NAALADL2: variants seen among roughly 807,000 people sequenced by gnomAD.
NAALADL2 encodes the protein N-acetylated alpha-linked acidic dipeptidase like 2, also known as inactive N-acetylated-alpha-linked acidic dipeptidase-like protein 2.
Under a neutral mutation model 87.2 loss-of-function variants are expected in NAALADL2, and 76 were observed. The observed-to-expected ratio is 0.87, with a 90% CI of 0.72 to 1.05. The LOEUF (loss-of-function observed/expected upper bound fraction) is 1.05. NAALADL2 is among the 50% of genes least tolerant of loss of function. The pLI, the probability that NAALADL2 is intolerant of heterozygous loss-of-function variation, is 0.00. For synonymous variants in NAALADL2, 354 were observed against 331.0 expected (o/e 1.07, Z -0.75); for missense variants, 1,089 against 945.8 (o/e 1.15, Z -1.99).
intron 3 of NAALADL2, among the ~76,000 whole-genome samples, chr3:174,851,839 G>A (rs954959221): frequency 6.6e-6 from 1 of 151,960 alleles, no homozygotes; most frequent in Non-Finnish European, 1.5e-5. Flanking sequence ...TGAAATATTA[G>A]CAAACTGAAT....
intron 2 of NAALADL2, among the ~76,000 whole-genome samples, chr3:175,109,878 AGGAGCATAT>A (rs746212040): frequency 4.6e-4 from 70 of 151,980 alleles, no homozygotes; most frequent in Non-Finnish European, 8.2e-4. Context: ...AGGGCAGGGG[AGGAGCATAT>A]GGTGCTACGT....
At chr3:174,987,607 A>C (rs1028527966) in intron 1 of NAALADL2, among the ~76,000 whole-genome samples, 3 of 139,966 alleles carry the variant, frequency 2.1e-5, no homozygotes, top group African/African-American at 8.1e-5. Context: ...AACAATACTC[A>C]TCAGAGAGCA....
At chr3:175,671,537 T>A (rs912911547) in intron 11 of NAALADL2, among the ~76,000 whole-genome samples, 1 of 152,010 alleles carries the variant, frequency 6.6e-6, no homozygotes, top group Non-Finnish European at 1.5e-5. Flanking sequence ...TATTTGTTTC[T>A]TGTTTGCCCC....
chr3:175,506,442 G>A (rs1049427774), intron 9 of NAALADL2, among the ~76,000 whole-genome samples: 2 of 152,126 alleles, frequency 1.3e-5, no homozygotes, highest in African/African-American at 4.8e-5. Flanking sequence ...CTCTCTAAAT[G>A]TTTAATCTAA....
In NAALADL2 at chr3:175,653,826, G is replaced by C. The variant is rs114125861; in HGVS notation, c.1896+26440G>C. ...TGTGTATAATGAGCCTTAAAATTTT[G>C]TAAGACTCCCTGATGTAGAGGCTGA... On this transcript the variant is annotated intron_variant, in intron 11 of 13. Transcript: ENST00000454872. Among the ~76,000 whole-genome samples, 1,016 of 152,134 alleles carry C rather than the reference G, an allele frequency of 6.7e-3. 15 individuals carry two copies. Among genetic ancestry groups the C allele is most frequent in the African/African-American group, 0.024 (982 of 41,502 alleles).
At chr3:174,679,578 C>T (rs928762006) in intron 2 of NAALADL2, among the ~76,000 whole-genome samples, 2 of 152,046 alleles carry the variant, frequency 1.3e-5, no homozygotes, top group African/African-American at 4.8e-5. Context: ...GTTCCTATAA[C>T]AGCAGAAACC....
At chr3:175,493,556 A>G (rs1299834078) in intron 9 of NAALADL2, among the ~76,000 whole-genome samples, 3 of 152,106 alleles carry the variant, frequency 2.0e-5, no homozygotes, top group Non-Finnish European at 4.4e-5. Context: ...GCCCTGCACA[A>G]TATTTCTTGT....
intron 5 of NAALADL2, among the ~76,000 whole-genome samples, chr3:175,434,527 A>C (rs1718302225): frequency 6.6e-6 from 1 of 152,064 alleles, no homozygotes; most frequent in Admixed American, 6.6e-5. Context: ...CTAAAAAATA[A>C]GTAGATCTGG....
At chr3:175,123,963 T>A (rs1490113200) in intron 2 of NAALADL2, among the ~76,000 whole-genome samples, 1 of 151,760 alleles carries the variant, frequency 6.6e-6, no homozygotes, top group African/African-American at 2.4e-5. Flanking sequence ...AAAGGGATAG[T>A]TTTTTTCCTC....
rs1003929100 is a variant in NAALADL2 at position 175,783,552 on chromosome 3, T to G, written c.2190-19453T>G. Among the ~76,000 whole-genome samples, 6 of 150,662 alleles carry G rather than the reference T, an allele frequency of 4.0e-5. No homozygotes were observed. The South Asian group carries it at 6.2e-4, about 16-fold the overall frequency. On this transcript the variant is annotated intron_variant, in intron 13 of 13. Coordinates refer to ENST00000454872, the MANE Select transcript of NAALADL2 (RefSeq NM_207015.3). ...GCTTGTGATTTTTGTACATTGATTT[T>G]TTATCCTGAGACTTTGCTGAAGTTG...
chr3:174,727,295 T>C (rs1297749894), intron 2 of NAALADL2, among the ~76,000 whole-genome samples: 2 of 151,936 alleles, frequency 1.3e-5, no homozygotes, highest in Admixed American at 6.6e-5. Context: ...AAAAAAATCA[T>C]TTTTATTAAG....
chr3:174,872,764 T>C (rs1011683293), intron 1 of NAALADL2, among the ~76,000 whole-genome samples: 4 of 151,708 alleles, frequency 2.6e-5, no homozygotes, highest in Non-Finnish European at 5.9e-5. Context: ...ACATTTCATG[T>C]AGCTTCAGGT....
chr3:175,621,844 A>C (rs1481895998), intron 10 of NAALADL2, among the ~76,000 whole-genome samples: 21 of 152,150 alleles, frequency 1.4e-4, no homozygotes, highest in Admixed American at 1.4e-3. Flanking sequence ...GTTCTAGAAC[A>C]AATTTCCCAA....
At chr3:175,379,191 CTTTT>C (rs67510422) in intron 5 of NAALADL2, among the ~76,000 whole-genome samples, 3 of 142,772 alleles carry the variant, frequency 2.1e-5, no homozygotes, top group Non-Finnish European at 1.5e-5. Flanking sequence ...CTTCCTCTCT[CTTTT>C]TTTTTTTTTT....
chr3:175,142,542 C>G (rs1054950449), intron 2 of NAALADL2, among the ~76,000 whole-genome samples: 5 of 151,980 alleles, frequency 3.3e-5, no homozygotes, highest in African/African-American at 1.2e-4. Flanking sequence ...GAGCAGGACT[C>G]AGATTTAAAC....
chr3:175,546,823 T>C (rs748947747), intron 9 of NAALADL2, among the ~76,000 whole-genome samples: 4 of 152,020 alleles, frequency 2.6e-5, no homozygotes, highest in African/African-American at 9.7e-5. Context: ...CAACCTTAGA[T>C]AATCTGCTAA....
chr3:175,374,336 T>G (rs1348167560), intron 5 of NAALADL2, among the ~76,000 whole-genome samples: 6 of 151,234 alleles, frequency 4.0e-5, no homozygotes, highest in Non-Finnish European at 7.4e-5. Context: ...GGAGGGTCAT[T>G]TGAGATCAGG....
At chr3:175,073,493 G>A (rs1716029380) in intron 1 of NAALADL2, among the ~76,000 whole-genome samples, 1 of 151,996 alleles carries the variant, frequency 6.6e-6, no homozygotes, top group Non-Finnish European at 1.5e-5. Context: ...ACGGTTACCT[G>A]GAACATCAGA....
At position 174,451,705 on chromosome 3, in the gene NAALADL2, G is replaced by T. The variant is rs1398540633; in HGVS notation, c.-184+10673G>T. Among the ~76,000 whole-genome samples, 11 of 151,986 alleles carry T rather than the reference G, an allele frequency of 7.2e-5. No individual in the cohort carries two copies. In the East Asian group the frequency reaches 1.9e-3, roughly 27 times the overall value. ...TTTTCGGTTTACATATTTTTTGGAG[G>T]TAGTGAAAAAGAATCCTTTACTCAT... On this transcript the variant is annotated intron_variant, in intron 1 of 3. Coordinates refer to the NAALADL2 transcript ENST00000434257.
Sources: gnomAD v4.1 joint callset for allele counts (sites outside exome capture counted in the v4.1 genomes callset) on GRCh38, gnomAD v4.1.1 for gene constraint, MANE v1.5 for transcripts, NCBI Gene and HGNC (gene_info 2026-07-23, HGNC 2026-07-21) for gene names.